The following BICC1 variants were observed in gnomAD, a reference collection of about 807,000 sequenced individuals.
The protein encoded by BICC1 is protein bicaudal C homolog 1.
BICC1 carries 43 observed loss-of-function variants against 111.0 expected under a neutral mutation model. That is an observed-to-expected ratio of 0.39 (90% confidence interval 0.30 to 0.50). The LOEUF (loss-of-function observed/expected upper bound fraction) is 0.50. Among genes scored for constraint, BICC1 ranks in the 20% least tolerant of loss-of-function variants. The pLI is 0.88. For synonymous variants in BICC1, 467 were observed against 434.4 expected (o/e 1.07, Z -0.93); for missense variants, 1,091 against 1,203.2 (o/e 0.91, Z 1.38).
chr10:58,565,136 A>C (rs1346177996), intron 1 of BICC1, among the ~76,000 whole-genome samples: 1 of 152,238 alleles, frequency 6.6e-6, no homozygotes, highest in Non-Finnish European at 1.5e-5. Context: ...GTATGTTTGC[A>C]AATTGATAGA....
chr10:58,670,746 G>T (rs1303265704), intron 2 of BICC1, among the ~76,000 whole-genome samples: 1 of 152,136 alleles, frequency 6.6e-6, no homozygotes, highest in East Asian at 1.9e-4. Flanking sequence ...GCAAGTAAAA[G>T]ACTTGTTTTT....
chr10:58,811,922 C>T (rs551464142), intron 17 of BICC1, among the ~76,000 whole-genome samples: 7 of 152,154 alleles, frequency 4.6e-5, no homozygotes, highest in South Asian at 2.1e-4. Flanking sequence ...TTCCTGAAGC[C>T]GAGGTGGGTA....
chr10:58,800,360 G>A lies in BICC1; in HGVS notation c.1858+34G>A, dbSNP rs753184349. 67 of 1,600,218 alleles carry A rather than the reference G, an allele frequency of 4.2e-5. 1 individual carries two copies. The South Asian group carries it at 7.0e-4, about 17-fold the overall frequency. ...CTGTACCCTTCTGAAATTCATTTTG[G>A]TTGTTATTTGGAAAAAGGAGGTTGT... On this transcript the variant is annotated intron_variant, in intron 13 of 20. Transcript: ENST00000373886.
chr10:58,736,654 A>G (rs1182500309), intron 3 of BICC1, among the ~76,000 whole-genome samples: 1 of 152,202 alleles, frequency 6.6e-6, no homozygotes, highest in Non-Finnish European at 1.5e-5. Flanking sequence ...GAAAACAAGT[A>G]AACAAATTTT....
chr10:58,699,432 A>G (rs998537101), intron 2 of BICC1, among the ~76,000 whole-genome samples: 3 of 152,214 alleles, frequency 2.0e-5, no homozygotes, highest in Admixed American at 6.5e-5. Flanking sequence ...ATGGGCATCT[A>G]TTGGTGCTTA....
At chr10:58,639,289 A>G (rs1000260534) in intron 2 of BICC1, among the ~76,000 whole-genome samples, 13 of 152,282 alleles carry the variant, frequency 8.5e-5, no homozygotes, top group South Asian at 2.1e-4. Context: ...TTTGTTTTCA[A>G]TGTGAGATTT....
chr10:58,713,442 C>T (rs1840640891), intron 3 of BICC1, among the ~76,000 whole-genome samples: 1 of 152,206 alleles, frequency 6.6e-6, no homozygotes, highest in South Asian at 2.1e-4. Flanking sequence ...GTTGTAATCT[C>T]TTTTAATCCT....
At chr10:58,764,380 G>C (rs185587748) in intron 3 of BICC1, among the ~76,000 whole-genome samples, 38 of 152,234 alleles carry the variant, frequency 2.5e-4, no homozygotes, top group African/African-American at 9.1e-4. Context: ...CTTGTACTTG[G>C]AATGCTGTAC....
chr10:58,691,485 C>A (rs569021405), intron 2 of BICC1, among the ~76,000 whole-genome samples: 15 of 152,282 alleles, frequency 9.9e-5, no homozygotes, highest in Admixed American at 5.2e-4. Context: ...AAATAACCTA[C>A]CCACACACCA....
intron 17 of BICC1, among the ~76,000 whole-genome samples, chr10:58,812,721 A>G (rs939465150): frequency 1.3e-5 from 2 of 151,892 alleles, no homozygotes; most frequent in African/African-American, 2.4e-5. Flanking sequence ...CAGGTGATTC[A>G]CCCACCTTGG....
At position 58,789,877 on chromosome 10, in the gene BICC1, A is replaced by G. The variant is rs144333642; in HGVS notation, c.991A>G (p.Thr331Ala). The change falls in exon 8 of 21, where the codon ACC (threonine) becomes GCC (alanine). Residue 331 changes from threonine (T) to alanine (A), a missense_variant. By Grantham distance (58) the Thr-to-Ala change is moderately conservative (BLOSUM62 0). This residue lies in a region of BICC1 where 843 missense variants were observed against 900.8 expected (regional missense o/e 0.94). Transcript: ENST00000373886. ...TCCCAGTAATCCACAAAAGAAATCTACCGTCTACCTCCAGGGCACCATTGA... is the reference window on the plus strand; with the variant it reads ...TCCCAGTAATCCACAAAAGAAATCTGCCGTCTACCTCCAGGGCACCATTGA... ...PDPSNPQKKS[T>A]VYLQGTIESV... is the part of the protein sequence containing the mutation. 9.3e-6 allele frequency: 15 copies of G among 1,614,006 alleles called. No homozygotes were observed. The African/African-American group carries it at 1.3e-4, about 14-fold the overall frequency.
At chr10:58,610,626 T>A (rs926482894) in intron 1 of BICC1, among the ~76,000 whole-genome samples, 1 of 149,828 alleles carries the variant, frequency 6.7e-6, no homozygotes, top group Non-Finnish European at 1.5e-5. Context: ...TTTTTTTTTT[T>A]ATTCTGAGCC....
Position 58,712,507 on chromosome 10 carries a change from TA to T in BICC1, c.307+10365del, listed in dbSNP as rs200775850. On this transcript the variant is annotated intron_variant, in intron 3 of 20. Transcript: ENST00000373886. The stretch of plus-strand genomic sequence containing the variant: ...AATGTGGTACGTTGACACAATGAAA[TA>T]TTATTCAGTGCTAAAAAGATATGAG... 4.1e-3 allele frequency among the ~76,000 whole-genome samples: 617 copies of T among 152,272 alleles called. 12 individuals carry two copies. Among genetic ancestry groups the T allele is most frequent in the African/African-American group, 0.014 (586 of 41,558 alleles).
At chr10:58,738,248 C>T (rs1437727019) in intron 3 of BICC1, among the ~76,000 whole-genome samples, 1 of 152,152 alleles carries the variant, frequency 6.6e-6, no homozygotes, top group Non-Finnish European at 1.5e-5. Context: ...TTTAATCCAT[C>T]TTGAATTGAT....
At position 58,566,876 on chromosome 10, in the gene BICC1, C is replaced by G. The variant is rs188611584; in HGVS notation, c.190+53543C>G. ...TTCACGATTTCAGCAAGCTTGCTTA[C>G]CTGGTGTTTAAGTCCACAGCTAACC... On this transcript the variant is annotated intron_variant, in intron 1 of 20. Coordinates refer to ENST00000373886, the MANE Select transcript of BICC1 (RefSeq NM_001080512.3). Among the ~76,000 whole-genome samples, 136 of 152,210 alleles carry G rather than the reference C, an allele frequency of 8.9e-4. 1 individual carries two copies. The highest frequency in any genetic ancestry group is 5.8e-4 in the East Asian group (3 of 5,170).
chr10:58,809,433 T>C (rs891081136), intron 17 of BICC1, among the ~76,000 whole-genome samples: 1 of 152,064 alleles, frequency 6.6e-6, no homozygotes, highest in African/African-American at 2.4e-5. Flanking sequence ...AGAGTCGTGG[T>C]TTCACCATGT....
intron 20 of BICC1, chr10:58,824,239 T>A: frequency 7.0e-6 from 2 of 285,900 alleles, no homozygotes; most frequent in Non-Finnish European, 1.1e-5. Context: ...ACTTAGTACC[T>A]GTGTGGGCAA....
At position 58,665,375 on chromosome 10, in the gene BICC1, T is replaced by A. The variant is rs149628983; in HGVS notation, c.238-36699T>A. ...AGTGCCTGCATTATTTTAGTGGTCT[T>A]TTTCTGTTGACTCTCACTAATCATG... On this transcript the variant is annotated intron_variant, in intron 2 of 20. Coordinates refer to ENST00000373886, the MANE Select transcript of BICC1 (RefSeq NM_001080512.3). Among the ~76,000 whole-genome samples the A allele has an allele frequency of 1.5e-4, 23 of 152,308 alleles. No individual in the cohort carries two copies. The East Asian group carries it at 4.4e-3, about 29-fold the overall frequency.
intron 18 of BICC1, among the ~76,000 whole-genome samples, chr10:58,816,255 C>T (rs1451930822): frequency 6.6e-6 from 1 of 152,122 alleles, no homozygotes; most frequent in African/African-American, 2.4e-5. Context: ...TTTGTGTCAC[C>T]TTTGACCCGG....
Sources: gnomAD v4.1 joint callset for allele counts (sites outside exome capture counted in the v4.1 genomes callset) on GRCh38, gnomAD v4.1.1 for gene constraint, gnomAD v4.1.1 regional missense constraint, MANE v1.5 for transcripts, NCBI Gene and HGNC (gene_info 2026-07-23, HGNC 2026-07-21) for gene names.